Variants in BET1 observed in about 807,000 individuals in gnomAD.
BET1 encodes the protein BET1 homolog.
In BET1, 9 loss-of-function variants were observed where a neutral mutation model predicts 13.9. That is an observed-to-expected ratio of 0.65 (90% CI 0.39 to 1.13). The LOEUF is 1.13. BET1 is among the 50% of genes most tolerant of loss of function. The probability of loss-of-function intolerance (pLI) is 0.01; values close to 1 mark genes in which losing one functional copy is unlikely to be tolerated. For missense variants in BET1, 127 were observed against 133.6 expected (o/e 0.95, Z 0.24); for synonymous variants, 39 against 47.3 (o/e 0.82, Z 0.72).
intron 4 of BET1, among the ~76,000 whole-genome samples, chr7:93,981,327 C>T (rs1225393598): frequency 2.0e-5 from 3 of 152,158 alleles, no homozygotes; most frequent in Admixed American, 1.3e-4. Flanking sequence ...TATCATTCCA[C>T]ATTGTGAGAG....
In BET1 at chr7:94,001,037, G is replaced by A. The variant is rs115239159; in HGVS notation, c.20-1743C>T. Among the ~76,000 whole-genome samples the A allele has an allele frequency of 8.8e-3, 1,340 of 152,228 alleles. 12 individuals carry two copies. The highest frequency in any genetic ancestry group is 0.031 in the Middle Eastern group (9 of 294). On this transcript the variant is annotated intron_variant, in intron 1 of 3. Coordinates refer to ENST00000222547, the MANE Select transcript of BET1 (RefSeq NM_005868.6). The stretch of plus-strand genomic sequence containing the variant: ...AGCAGATGCAGCAGCAGTGACAGGA[G>A]GTAACAGCACTGATCACTGAAGGAC...
chr7:93,996,084 C>T (rs1362184097), intron 3 of BET1, 181 bp downstream of exon 3: 3 of 556,566 alleles, frequency 5.4e-6, no homozygotes, highest in Non-Finnish European at 3.1e-6. Flanking sequence ...ATGCGTAAGA[C>T]GAGATGAAAA....
chr7:93,992,047 A>T (rs1020293397), downstream of BET1: 3 of 985,292 alleles, frequency 3.0e-6, no homozygotes, highest in Non-Finnish European at 3.6e-6. Context: ...ATGGAAAAAG[A>T]GGGTGCTGGC....
chr7:94,003,347 AT>A (rs577373590), intron 1 of BET1, among the ~76,000 whole-genome samples: 12 of 149,078 alleles, frequency 8.0e-5, no homozygotes, highest in African/African-American at 1.5e-4. Flanking sequence ...CACTTTGGGG[AT>A]TTTTTTTTTC....
Position 93,993,749 on chromosome 7 carries a change from T to C in BET1, c.*481A>G. ...AAAGAAATCAGCCTACAATTTTAAC[T>C]AAATAAAGGAGGAGAAGGGAGTATA... On this transcript the variant is annotated 3_prime_UTR_variant, in exon 4 of 4. Transcript: ENST00000222547. 1 of 1,338,842 alleles carries C rather than the reference T, an allele frequency of 7.5e-7. No homozygotes were observed. Among genetic ancestry groups the C allele is most frequent in the Non-Finnish European group, 9.5e-7 (1 of 1,050,956 alleles). 82.9% of individuals were successfully genotyped at this position (1,338,842 alleles called of 1,614,324 possible).
At chr7:93,970,788 C>T (rs1194748689) in intron 6 of BET1, among the ~76,000 whole-genome samples, 1 of 151,742 alleles carries the variant, frequency 6.6e-6, no homozygotes, top group Non-Finnish European at 1.5e-5. Flanking sequence ...ACGACTCAAA[C>T]TTATTAATTC....
intron 4 of BET1, among the ~76,000 whole-genome samples, chr7:93,978,789 A>C (rs538431600): frequency 1.2e-4 from 19 of 152,296 alleles, no homozygotes; most frequent in Admixed American, 4.6e-4. Context: ...ACAGAAAATG[A>C]ATCTGTTTGA....
At position 93,970,825 on chromosome 7, in the gene BET1, G is replaced by T. The variant is rs1056391224; in HGVS notation, c.*137+1750C>A. On this transcript the variant is annotated intron_variant and NMD_transcript_variant, in intron 6 of 6. Transcript: ENST00000357520. ...ATTTGTATTTTAATTCAACCATTTA[G>T]TTTTTTTCTTTAAATATTTCAGAGT... Among the ~76,000 whole-genome samples the T allele has an allele frequency of 7.2e-5, 11 of 151,788 alleles. No individual in the cohort carries two copies. In the South Asian group the frequency reaches 1.7e-3, roughly 23 times the overall value.
downstream of BET1, among the ~76,000 whole-genome samples, chr7:93,990,837 T>G (rs1000703110): frequency 6.6e-6 from 1 of 151,760 alleles, no homozygotes. Flanking sequence ...ATATGCTTGT[T>G]TTTTTTTTCG....
chr7:93,965,884 C>T (rs1795164355), intron 6 of BET1, among the ~76,000 whole-genome samples: 2 of 151,816 alleles, frequency 1.3e-5, no homozygotes, highest in South Asian at 4.2e-4. Flanking sequence ...CAAGATAGAC[C>T]TTTACTTAGT....
At chr7:93,981,954 T>C (rs951408329) in intron 4 of BET1, among the ~76,000 whole-genome samples, 4 of 151,496 alleles carry the variant, frequency 2.6e-5, no homozygotes, top group African/African-American at 9.7e-5. Context: ...GTGGGGAGAG[T>C]GGATAGGCGA....
At chr7:93,972,846 T>C (rs1398486238) in intron 5 of BET1, among the ~76,000 whole-genome samples, 1 of 151,596 alleles carries the variant, frequency 6.6e-6, no homozygotes, top group Non-Finnish European at 1.5e-5. Context: ...CTCGTATCTT[T>C]TTTTTTTTTT....
intron 6 of BET1, among the ~76,000 whole-genome samples, chr7:93,966,729 A>G (rs761125741): frequency 7.9e-5 from 12 of 151,536 alleles, no homozygotes; most frequent in Non-Finnish European, 1.6e-4. Flanking sequence ...TGATAGAGCT[A>G]TTTGGATATC....
chr7:93,990,456 T>C (rs1464372415), downstream of BET1, among the ~76,000 whole-genome samples: 3 of 152,114 alleles, frequency 2.0e-5, no homozygotes, highest in South Asian at 2.1e-4. Flanking sequence ...ATATCTGTTG[T>C]ATATAGACAT....
At chr7:93,993,197 C>T (rs910764074), downstream of BET1, 2 of 984,432 alleles carry the variant, frequency 2.0e-6, no homozygotes, top group Non-Finnish European at 2.4e-6. Context: ...GTTGTCAGGA[C>T]CATTTCTCAG....
At chr7:93,988,108 A>G (rs1165338839) in intron 4 of BET1, among the ~76,000 whole-genome samples, 1 of 152,230 alleles carries the variant, frequency 6.6e-6, no homozygotes, top group Non-Finnish European at 1.5e-5. Context: ...TTAAAAAGAT[A>G]TGTTCTCTAG....
rs370628597 is a variant in BET1 at position 94,004,232 on chromosome 7, A to C, written c.-16T>G. The C allele has an allele frequency of 6.2e-6, 10 of 1,613,770 alleles. No individual in the cohort carries two copies. The highest frequency in any genetic ancestry group is 1.6e-4 in the Middle Eastern group (1 of 6,082). ...CACGCCTCATCCTGCCAGAGGAGAG[A>C]GAGAAAAGGCGGGTGCGGGGCTTTG... On this transcript the variant is annotated 5_prime_UTR_variant, in exon 1 of 4. Coordinates refer to ENST00000222547, the MANE Select transcript of BET1 (RefSeq NM_005868.6).
rs1176226949 is a variant in BET1 at position 93,999,301 on chromosome 7, G to C, written c.20-7C>G. The C allele has an allele frequency of 3.7e-6, 6 of 1,600,062 alleles. No individual in the cohort carries two copies. Among genetic ancestry groups the C allele is most frequent in the Non-Finnish European group, 5.1e-6 (6 of 1,174,308 alleles). On this transcript the variant is annotated splice_region_variant and splice_polypyrimidine_tract_variant and intron_variant, in intron 1 of 3. Coordinates refer to ENST00000222547, the MANE Select transcript of BET1 (RefSeq NM_005868.6). ...CCAGGAGGTACTCCTTCACCTGCAA[G>C]GATCAGAGTCACAAAGGTGGTTCTA...
At chr7:93,997,769 C>T (rs1443959932) in intron 2 of BET1, among the ~76,000 whole-genome samples, 1 of 152,108 alleles carries the variant, frequency 6.6e-6, no homozygotes, top group African/African-American at 2.4e-5. Flanking sequence ...TGGTTCAATA[C>T]AAATTTACTC....
Sources: gnomAD v4.1 joint callset for allele counts (sites outside exome capture counted in the v4.1 genomes callset) on GRCh38, gnomAD v4.1.1 for gene constraint, MANE v1.5 for transcripts, NCBI Gene and HGNC (gene_info 2026-07-23, HGNC 2026-07-21) for gene names.